The following AGPAT4 variants were observed in gnomAD, a reference collection of about 807,000 sequenced individuals.
The protein encoded by AGPAT4 is 1-acyl-sn-glycerol-3-phosphate acyltransferase delta.
A neutral mutation model predicts 48.0 loss-of-function variants in AGPAT4; 15 were observed. The ratio of observed to expected loss-of-function variants is 0.31; its 90% CI spans 0.21 to 0.48. AGPAT4 has a LOEUF of 0.48. AGPAT4 is among the 20% of genes least tolerant of loss of function. The probability of loss-of-function intolerance (pLI) is 0.99; values close to 1 mark genes in which losing one functional copy is unlikely to be tolerated. For missense variants in AGPAT4, 314 were observed against 482.5 expected, an observed-to-expected ratio of 0.65 and a Z score of 3.27; for synonymous variants, 178 against 198.7, an observed-to-expected ratio of 0.90 and a Z score of 0.88.
At position 161,144,917 on chromosome 6, in the gene AGPAT4, C is replaced by T. The variant is rs1583277734; in HGVS notation, c.843+1607G>A. Reference sequence around the variant, plus strand: ...AATGGCGTGAACCCAGGAGGCAGAGCTTGCAGTGAGCCGAGATCGCGCCAC... The same window carrying T: ...AATGGCGTGAACCCAGGAGGCAGAGTTTGCAGTGAGCCGAGATCGCGCCAC... On this transcript the variant is annotated intron_variant, in intron 7 of 8. Coordinates refer to ENST00000320285, the MANE Select transcript of AGPAT4 (RefSeq NM_020133.3). This position sits in a 1 kb window ranked among gnomAD's most constrained non-coding sequence, Gnocchi z 6.6. 6.6e-6 allele frequency among the ~76,000 whole-genome samples: 1 copy of T among 151,862 alleles called. No homozygotes were observed. Among genetic ancestry groups the T allele is most frequent in the Admixed American group, 6.6e-5 (1 of 15,242 alleles).
In AGPAT4 at chr6:161,189,402, A is replaced by T. The variant is rs1184449339; in HGVS notation, c.179-22985T>A. ...GGATGGAGGAGCAGGGAAGAGGAGG[A>T]AGGCATTGAGGAATCGGGGTGAAGA... On this transcript the variant is annotated intron_variant, in intron 2 of 8. Coordinates refer to ENST00000320285, the MANE Select transcript of AGPAT4 (RefSeq NM_020133.3). The surrounding 1 kb of genome is among the most constrained non-coding windows in gnomAD (Gnocchi z 5.3). 1.3e-5 allele frequency among the ~76,000 whole-genome samples: 2 copies of T among 152,204 alleles called. No individual in the cohort carries two copies. The highest frequency in any genetic ancestry group is 2.9e-5 in the Non-Finnish European group (2 of 68,044).
At position 161,161,726 on chromosome 6, in the gene AGPAT4, C is replaced by G; in HGVS notation, c.348+4522G>C. On this transcript the variant is annotated intron_variant, in intron 3 of 8. Coordinates refer to ENST00000320285, the MANE Select transcript of AGPAT4 (RefSeq NM_020133.3). The surrounding 1 kb of genome is among the most constrained non-coding windows in gnomAD (Gnocchi z 4.6). ...CTGGGGTAAAGGCGGTGAAATAATG[C>G]TGTGTTGCATGAACACGGTCTCCTA... 1 of 339,008 alleles carries G rather than the reference C, an allele frequency of 2.9e-6. No homozygotes were observed. Among genetic ancestry groups the G allele is most frequent in the South Asian group, 2.3e-5 (1 of 43,260 alleles). 21.0% of individuals were successfully genotyped at this position (339,008 alleles called of 1,614,324 possible).
At chr6:161,173,750 G>C (rs886972916) in intron 2 of AGPAT4, among the ~76,000 whole-genome samples, 5 of 152,178 alleles carry the variant, frequency 3.3e-5, no homozygotes, top group South Asian at 2.1e-4. Flanking sequence ...TATTGCCTAG[G>C]TTTTCTTCTA....
Position 161,259,330 on chromosome 6 carries a change from C to G in AGPAT4, c.-90+14608G>C, listed in dbSNP as rs1178134340. 6.6e-6 allele frequency among the ~76,000 whole-genome samples: 1 copy of G among 151,934 alleles called. No homozygotes were observed. Among genetic ancestry groups the G allele is most frequent in the African/African-American group, 2.4e-5 (1 of 41,368 alleles). On this transcript the variant is annotated intron_variant, in intron 1 of 8. Coordinates refer to ENST00000320285, the MANE Select transcript of AGPAT4 (RefSeq NM_020133.3). This position sits in a 1 kb window ranked among gnomAD's most constrained non-coding sequence, Gnocchi z 4.9. ...AATGCCATGTAACAGACCTCTGCACCCCTGAAGCTTTAACAGCACCAATCA... is the reference window on the plus strand; with the variant it reads ...AATGCCATGTAACAGACCTCTGCACGCCTGAAGCTTTAACAGCACCAATCA...
At chr6:161,136,667 G>T in intron 8 of AGPAT4, 33 bp from the exon 9 acceptor site, 2 of 1,589,438 alleles carry the variant, frequency 1.3e-6, no homozygotes, top group Non-Finnish European at 1.7e-6. Context: ...GTTAGGAGTA[G>T]CCCAAACAGA....
rs1223354778 is a variant in AGPAT4, at chr6:161,259,013, G to C, written c.-90+14925C>G. Among the ~76,000 whole-genome samples, 2 of 151,754 alleles carry C rather than the reference G, an allele frequency of 1.3e-5. No homozygotes were observed. Among genetic ancestry groups the C allele is most frequent in the African/African-American group, 4.8e-5 (2 of 41,298 alleles). On this transcript the variant is annotated intron_variant, in intron 1 of 8. Coordinates refer to ENST00000320285, the MANE Select transcript of AGPAT4 (RefSeq NM_020133.3). The surrounding 1 kb of genome is among the most constrained non-coding windows in gnomAD (Gnocchi z 4.9). ...GGGTTTCATCATACAGGCAAGGCTG[G>C]TATCAAACTCCTGACCTCAAGTGAT...
chr6:161,253,707 ATTAT>A, intron 1 of AGPAT4, among the ~76,000 whole-genome samples: 1 of 152,262 alleles, frequency 6.6e-6, no homozygotes, highest in East Asian at 1.9e-4. Context: ...CTTTTACTGT[ATTAT>A]TTAACATATG....
At position 161,211,668 on chromosome 6, in the gene AGPAT4, T is replaced by C. The variant is rs546107832; in HGVS notation, c.178+20368A>G. 5.9e-5 allele frequency among the ~76,000 whole-genome samples: 9 copies of C among 152,308 alleles called. No homozygotes were observed. In the East Asian group the frequency reaches 1.7e-3, roughly 29 times the overall value. ...ATATGATCAAGTTGTCATATTATTATTAAGTTTGGTTTACTTAGGAAAAAA... is the reference window on the plus strand; with the variant it reads ...ATATGATCAAGTTGTCATATTATTACTAAGTTTGGTTTACTTAGGAAAAAA... On this transcript the variant is annotated intron_variant, in intron 2 of 8. Transcript: ENST00000320285.
rs528666165 is a variant in AGPAT4 at position 161,262,389 on chromosome 6, C to T, written c.-90+11549G>A. On this transcript the variant is annotated intron_variant, in intron 1 of 8. Coordinates refer to ENST00000320285, the MANE Select transcript of AGPAT4 (RefSeq NM_020133.3). The surrounding 1 kb of genome is among the most constrained non-coding windows in gnomAD (Gnocchi z 4.9). Reference sequence around the variant, plus strand: ...TGGCCAGCTGCCGCGTCTGTCCCTGCCACACAGGGGCTACTTCCCACTGCT... The same window carrying T: ...TGGCCAGCTGCCGCGTCTGTCCCTGTCACACAGGGGCTACTTCCCACTGCT... Among the ~76,000 whole-genome samples the T allele has an allele frequency of 1.3e-5, 2 of 152,324 alleles. No individual in the cohort carries two copies. The highest frequency in any genetic ancestry group is 4.8e-5 in the African/African-American group (2 of 41,586).
chr6:161,157,130 C>A (rs1224859172), intron 3 of AGPAT4, among the ~76,000 whole-genome samples: 3 of 152,196 alleles, frequency 2.0e-5, no homozygotes, highest in African/African-American at 7.2e-5. Context: ...GTCTGCCTGA[C>A]CAAGCTGGTC....
At position 161,223,716 on chromosome 6, in the gene AGPAT4, T is replaced by C. The variant is rs1781892503; in HGVS notation, c.178+8320A>G. ...ACACATCACTTACTACACTGACCAG[T>C]TGGACACATGGCCTCACCTCCAGAG... On this transcript the variant is annotated intron_variant, in intron 2 of 8. Coordinates refer to ENST00000320285, the MANE Select transcript of AGPAT4 (RefSeq NM_020133.3). This position sits in a 1 kb window ranked among gnomAD's most constrained non-coding sequence, Gnocchi z 6.3. 6.6e-6 allele frequency among the ~76,000 whole-genome samples: 1 copy of C among 152,158 alleles called. No individual in the cohort carries two copies. The highest frequency in any genetic ancestry group is 1.5e-5 in the Non-Finnish European group (1 of 68,024).
At chr6:161,167,311 A>T (rs1195948495) in intron 2 of AGPAT4, among the ~76,000 whole-genome samples, 1 of 152,102 alleles carries the variant, frequency 6.6e-6, no homozygotes, top group South Asian at 2.1e-4. Context: ...CTGCAGCCTC[A>T]ACCTCCCAGG....
In AGPAT4 at chr6:161,254,984, G is replaced by A. The variant is rs73782830; in HGVS notation, c.-90+18954C>T. ...AAGCCTCAAACTGCAGAACACACCC[G>A]GCAAGCTGTTCTTATCGTTCCGAGG... On this transcript the variant is annotated intron_variant, in intron 1 of 8. Transcript: ENST00000320285. This position sits in a 1 kb window ranked among gnomAD's most constrained non-coding sequence, Gnocchi z 5.9. Among the ~76,000 whole-genome samples the A allele has an allele frequency of 0.04, 6,163 of 152,188 alleles. 403 individuals are homozygous for A. The highest frequency in any genetic ancestry group is 0.14 in the African/African-American group (5,699 of 41,480).
Position 161,144,010 on chromosome 6 carries a change from T to C in AGPAT4, c.843+2514A>G. On this transcript the variant is annotated intron_variant, in intron 7 of 8. Coordinates refer to ENST00000320285, the MANE Select transcript of AGPAT4 (RefSeq NM_020133.3). The surrounding 1 kb of genome is among the most constrained non-coding windows in gnomAD (Gnocchi z 6.6). Reference sequence around the variant, plus strand: ...ACACTTCTGACTGCAAGGTTGATCATTAAAATGAAATCCCACTTTGACAAA... The same window carrying C: ...ACACTTCTGACTGCAAGGTTGATCACTAAAATGAAATCCCACTTTGACAAA... 3 of 411,762 alleles carry C rather than the reference T, an allele frequency of 7.3e-6. No individual in the cohort carries two copies. The highest frequency in any genetic ancestry group is 2.1e-5 in the African/African-American group (1 of 48,734). 25.5% of individuals were successfully genotyped at this position (411,762 alleles called of 1,614,324 possible).
chr6:161,205,370 G>T (rs1165180782), intron 2 of AGPAT4, among the ~76,000 whole-genome samples: 1 of 152,112 alleles, frequency 6.6e-6, no homozygotes, highest in South Asian at 2.1e-4. Context: ...TATGTCCTGT[G>T]GGGGAGGTTA....
chr6:161,227,792 T>C (rs975264521), intron 2 of AGPAT4, among the ~76,000 whole-genome samples: 1 of 152,202 alleles, frequency 6.6e-6, no homozygotes. Flanking sequence ...AGTAGTGTTG[T>C]AAGAGGCAAT....
chr6:161,170,286 G>A lies in AGPAT4; in HGVS notation c.179-3869C>T, dbSNP rs555802863. On this transcript the variant is annotated intron_variant, in intron 2 of 8. Transcript: ENST00000320285. Reference sequence around the variant, plus strand: ...GCCCCCACAGCTGAATAAGGCCAATGAGATGATGTCTACATATCTCCCAGT... The same window carrying A: ...GCCCCCACAGCTGAATAAGGCCAATAAGATGATGTCTACATATCTCCCAGT... 3.4e-4 allele frequency among the ~76,000 whole-genome samples: 52 copies of A among 152,228 alleles called. No individual in the cohort carries two copies. The East Asian group carries it at 3.9e-3, about 11-fold the overall frequency.
In AGPAT4 at chr6:161,215,469, T is replaced by A. The variant is rs1781620948; in HGVS notation, c.178+16567A>T. On this transcript the variant is annotated intron_variant, in intron 2 of 8. Transcript: ENST00000320285. The surrounding 1 kb of genome is among the most constrained non-coding windows in gnomAD (Gnocchi z 4.5). ...ACAGTGACTCACCCTGATCTCATGC[T>A]CGGTAATCAGGTTCAGATATCCTGG... 6.6e-6 allele frequency among the ~76,000 whole-genome samples: 1 copy of A among 152,164 alleles called. No homozygotes were observed. The highest frequency in any genetic ancestry group is 6.5e-5 in the Admixed American group (1 of 15,274).
Position 161,217,172 on chromosome 6 carries a change from G to A in AGPAT4, c.178+14864C>T, listed in dbSNP as rs547096821. 4.6e-5 allele frequency among the ~76,000 whole-genome samples: 7 copies of A among 152,370 alleles called. No individual in the cohort carries two copies. The highest frequency in any genetic ancestry group is 2.1e-4 in the South Asian group (1 of 4,830). ...GGGGAGGGGCGGAGTGAGCACAGGCGTGGGGACGCGAAAGGACAGGGGAAC... is the reference window on the plus strand; with the variant it reads ...GGGGAGGGGCGGAGTGAGCACAGGCATGGGGACGCGAAAGGACAGGGGAAC... On this transcript the variant is annotated intron_variant, in intron 2 of 8. Transcript: ENST00000320285. This position sits in a 1 kb window ranked among gnomAD's most constrained non-coding sequence, Gnocchi z 4.9.
Sources: allele counts gnomAD v4.1 joint callset (sites outside exome capture counted in the v4.1 genomes callset), GRCh38; gene constraint gnomAD v4.1.1; non-coding constraint Gnocchi (gnomAD v3.1); transcripts MANE v1.5; gene names NCBI Gene and HGNC (gene_info 2026-07-23, HGNC 2026-07-21).